Variants in HK2 observed in about 807,000 individuals in gnomAD.
HK2 encodes hexokinase-2.
Under a neutral mutation model 92.9 loss-of-function variants are expected in HK2, and 42 were observed. The observed-to-expected ratio is 0.45, with a 90% CI of 0.35 to 0.58. HK2 has a LOEUF of 0.58. Among genes scored for constraint, HK2 ranks in the 20% least tolerant of loss-of-function variants. The probability of loss-of-function intolerance (pLI) is 0.00; values close to 1 mark genes in which losing one functional copy is unlikely to be tolerated. For synonymous variants in HK2, 422 were observed against 468.0 expected (o/e 0.90, Z 1.27); for missense variants, 978 against 1,245.1 (o/e 0.79, Z 3.23).
intron 13 of HK2, among the ~76,000 whole-genome samples, chr2:74,886,021 A>C (rs531018145): frequency 6.6e-6 from 1 of 151,878 alleles, no homozygotes; most frequent in Admixed American, 6.6e-5. Context: ...TTTAGACCAT[A>C]TAGAGTTTAA....
rs546227364 is a variant in HK2 at position 74,875,802 on chromosome 2, A to G, written c.875+1353A>G. Among the ~76,000 whole-genome samples the G allele has an allele frequency of 5.9e-5, 9 of 152,298 alleles. No homozygotes were observed. The South Asian group carries it at 1.9e-3, about 32-fold the overall frequency. ...CACTCAGTGCCTGCCTCCATGAATGAGGCACACCCAAGTCATTCCGAGGAA... is the reference window on the plus strand; with the variant it reads ...CACTCAGTGCCTGCCTCCATGAATGGGGCACACCCAAGTCATTCCGAGGAA... On this transcript the variant is annotated intron_variant, in intron 7 of 17. Transcript: ENST00000290573.
intron 3 of HK2, among the ~76,000 whole-genome samples, chr2:74,868,977 G>GAAA (rs953340172): frequency 2.6e-5 from 4 of 151,694 alleles, no homozygotes; most frequent in African/African-American, 9.7e-5. Context: ...TGCCAATTGA[G>GAAA]AAAAAAAATC....
At chr2:74,876,118 G>T (rs1331958894) in intron 7 of HK2, among the ~76,000 whole-genome samples, 5 of 152,178 alleles carry the variant, frequency 3.3e-5, no homozygotes, top group Admixed American at 1.3e-4. Flanking sequence ...GCCTGTGTGG[G>T]TGCACTAACA....
intron 2 of HK2, among the ~76,000 whole-genome samples, chr2:74,858,250 G>A (rs929625190): frequency 2.0e-5 from 3 of 152,128 alleles, no homozygotes; most frequent in Admixed American, 6.5e-5. Context: ...CCTGCTAAAT[G>A]TTTTTCACTT....
chr2:74,888,315 A>G (rs1455209427), intron 16 of HK2, among the ~76,000 whole-genome samples: 7 of 152,260 alleles, frequency 4.6e-5, no homozygotes, highest in African/African-American at 1.7e-4. Context: ...GTTTTAGACC[A>G]TGTATCAAAG....
chr2:74,837,128 A>G (rs148759953), intron 1 of HK2, among the ~76,000 whole-genome samples: 81 of 152,316 alleles, frequency 5.3e-4, no homozygotes, highest in Non-Finnish European at 1.0e-3. Flanking sequence ...ATTAACATTC[A>G]AATCAGCCCC....
At chr2:74,851,964 G>C (rs1234068752) in intron 1 of HK2, among the ~76,000 whole-genome samples, 1 of 152,224 alleles carries the variant, frequency 6.6e-6, no homozygotes, top group Admixed American at 6.5e-5. Context: ...GCAGGGGGCA[G>C]TCATCTAGCA....
chr2:74,841,909 A>G (rs958972040), intron 1 of HK2, among the ~76,000 whole-genome samples: 2 of 152,216 alleles, frequency 1.3e-5, no homozygotes, highest in Non-Finnish European at 2.9e-5. Context: ...GCTGGGGAGC[A>G]GAGGAGGTAG....
intron 8 of HK2, 70 bp downstream of exon 8, chr2:74,877,391 G>A: frequency 1.9e-6 from 3 of 1,558,322 alleles, no homozygotes; most frequent in Non-Finnish European, 2.7e-6. Flanking sequence ...GGGGAATGAG[G>A]AGGGGGCTGT....
At chr2:74,837,052 C>T (rs114584923) in intron 1 of HK2, among the ~76,000 whole-genome samples, 1,818 of 152,264 alleles carry the variant, frequency 0.012, 34 homozygotes, top group African/African-American at 0.041. Flanking sequence ...AATTGGAACT[C>T]AGGAGCGACT....
chr2:74,877,283 C>A lies in HK2; in HGVS notation c.993C>A (p.Thr331=). 1.9e-6 allele frequency: 3 copies of A among 1,614,158 alleles called. No homozygotes were observed. Among genetic ancestry groups the A allele is most frequent in the Non-Finnish European group, 2.5e-6 (3 of 1,180,022 alleles). The part of the protein sequence containing the change: ...GGKLSPELLN[T]GRFETKDISD... ...AGCTCAGCCCAGAGCTTCTCAACACCGGTCGCTTTGAGACCAAAGACATCT... is the reference window on the plus strand; with the variant it reads ...AGCTCAGCCCAGAGCTTCTCAACACAGGTCGCTTTGAGACCAAAGACATCT... Residue 331 remains threonine, a synonymous_variant, in exon 8 of 18, where the codon ACC becomes ACA. Coordinates refer to ENST00000290573, the MANE Select transcript of HK2 (RefSeq NM_000189.5).
rs1353186166 is a variant in HK2, at chr2:74,887,820, G to A, written c.2220-83G>A. On this transcript the variant is annotated intron_variant, in intron 15 of 17. Transcript: ENST00000290573. ...CCTGTCTGCCACTGCTGATGCACTG[G>A]GGGTGACTAAGCTGGCCTGTCCTGT... The A allele has an allele frequency of 3.9e-6, 5 of 1,289,558 alleles. No individual in the cohort carries two copies. In the African/African-American group the frequency reaches 7.3e-5, roughly 19 times the overall value. 79.9% of individuals were successfully genotyped at this position (1,289,558 alleles called of 1,614,324 possible).
At chr2:74,843,874 T>C (rs1338381032) in intron 1 of HK2, among the ~76,000 whole-genome samples, 1 of 152,188 alleles carries the variant, frequency 6.6e-6, no homozygotes, top group African/African-American at 2.4e-5. Context: ...TCTGTCTCAG[T>C]CCCCTCCATG....
rs1410185647 is a variant in HK2 at position 74,892,722 on chromosome 2, A to G, written c.*1781A>G. On this transcript the variant is annotated 3_prime_UTR_variant, in exon 18 of 18. Coordinates refer to ENST00000290573, the MANE Select transcript of HK2 (RefSeq NM_000189.5). ...TATATTTATCAAACTTGTGCTGAGA[A>G]TAGTGTCTGATTATACGACTTTTAA... 2 of 152,214 alleles carry G rather than the reference A, an allele frequency of 1.3e-5. No individual in the cohort carries two copies. Among genetic ancestry groups the G allele is most frequent in the African/African-American group, 4.8e-5 (2 of 41,452 alleles). The allele number at this position is 152,214 out of a possible 1,614,324, so 9.4% of individuals were successfully genotyped here. A position where few individuals can be genotyped will look rare whatever the true frequency, so the allele number is the denominator to read the frequency against.
chr2:74,875,835 C>A (rs1287409715), intron 7 of HK2, among the ~76,000 whole-genome samples: 1 of 152,264 alleles, frequency 6.6e-6, no homozygotes, highest in East Asian at 1.9e-4. Flanking sequence ...GAACTAAAGG[C>A]CCTTTCAAAT....
intron 1 of HK2, among the ~76,000 whole-genome samples, chr2:74,839,233 GAT>G (rs1688245873): frequency 1.3e-5 from 2 of 152,198 alleles, no homozygotes; most frequent in Non-Finnish European, 2.9e-5. Flanking sequence ...TGTCTAGAGA[GAT>G]ATGGCTGCTA....
chr2:74,866,639 A>C (rs917866446), intron 2 of HK2, among the ~76,000 whole-genome samples: 2 of 152,142 alleles, frequency 1.3e-5, no homozygotes, highest in Non-Finnish European at 2.9e-5. Context: ...CTTCCCAGTG[A>C]CACATGACAG....
chr2:74,877,111 C>T (rs916810698), intron 7 of HK2, 55 bp from the exon 8 acceptor site: 10 of 1,609,552 alleles, frequency 6.2e-6, no homozygotes, highest in Non-Finnish European at 7.6e-6. Context: ...AACAGGGAAG[C>T]TATGAGTACA....
chr2:74,838,065 T>C (rs1215341859), intron 1 of HK2, among the ~76,000 whole-genome samples: 2 of 152,238 alleles, frequency 1.3e-5, no homozygotes, highest in East Asian at 1.9e-4. Flanking sequence ...CTTAATTTTC[T>C]TTCTGCTTCC....
Sources: allele counts gnomAD v4.1 joint callset (sites outside exome capture counted in the v4.1 genomes callset), GRCh38; gene constraint gnomAD v4.1.1; transcripts MANE v1.5; gene names NCBI Gene and HGNC (gene_info 2026-07-23, HGNC 2026-07-21).